Variants in ZFPM2 observed in about 807,000 individuals in gnomAD.
ZFPM2 encodes zinc finger protein, FOG family member 2, also known as zinc finger protein ZFPM2.
ZFPM2 carries 20 observed loss-of-function variants against 98.6 expected under a neutral mutation model. That is an observed-to-expected ratio of 0.20 (90% CI 0.14 to 0.29). The LOEUF (loss-of-function observed/expected upper bound fraction) is 0.29, where lower values mean the gene tolerates loss of function less well. ZFPM2 is among the 10% of genes least tolerant of loss of function. The pLI is 1.00. For missense variants in ZFPM2, 1,310 were observed against 1,388.6 expected, an observed-to-expected ratio of 0.94 and a Z score of 0.90; for synonymous variants, 518 against 502.7, an observed-to-expected ratio of 1.03 and a Z score of -0.41.
In ZFPM2 at chr8:105,419,198, C is replaced by T. The variant is rs1238908049; in HGVS notation, c.95C>T (p.Thr32Ile). The T allele has an allele frequency of 6.2e-7, 1 of 1,613,586 alleles. No homozygotes were observed. Among genetic ancestry groups the T allele is most frequent in the Admixed American group, 1.7e-5 (1 of 59,980 alleles). Residue 32 changes from threonine (T) to isoleucine (I), a missense_variant, in exon 2 of 8, where the codon ACA becomes ATA. Thr to Ile is a moderately conservative substitution (Grantham distance 89). Transcript: ENST00000407775. ...GAAGAAGAATGTCCATCAGAGGAAACAGACATCATCTCCAAAGGAGACTTT... is the reference window on the plus strand; with the variant it reads ...GAAGAAGAATGTCCATCAGAGGAAATAGACATCATCTCCAAAGGAGACTTT... ...DEEEECPSEE[T>I]DIISKGDFPL...
chr8:105,649,365 CT>C (rs1215520313), intron 5 of ZFPM2, among the ~76,000 whole-genome samples: 1 of 152,076 alleles, frequency 6.6e-6, no homozygotes, highest in African/African-American at 2.4e-5. Context: ...ATTGAATACC[CT>C]TTATTTCTTT....
chr8:105,558,796 T>G, intron 3 of ZFPM2, among the ~76,000 whole-genome samples: 1 of 151,946 alleles, frequency 6.6e-6, no homozygotes, highest in Middle Eastern at 3.4e-3. Flanking sequence ...AAAAAGCAAA[T>G]TATTTGGGTA....
chr8:105,747,487 C>T (rs1734490451), intron 5 of ZFPM2, among the ~76,000 whole-genome samples: 1 of 151,996 alleles, frequency 6.6e-6, no homozygotes, highest in African/African-American at 2.4e-5. Flanking sequence ...CATTCAAATG[C>T]AACCATAAGT....
At chr8:105,325,782 T>A (rs1326125551) in intron 1 of ZFPM2, among the ~76,000 whole-genome samples, 1 of 151,766 alleles carries the variant, frequency 6.6e-6, no homozygotes, top group African/African-American at 2.4e-5. Flanking sequence ...GGCCGTCTTT[T>A]TGAGATGACA....
intron 1 of ZFPM2, among the ~76,000 whole-genome samples, chr8:105,402,354 T>C (rs1253760403): frequency 6.6e-6 from 1 of 152,068 alleles, no homozygotes; most frequent in Non-Finnish European, 1.5e-5. Flanking sequence ...ATGATTATAC[T>C]TTAATTTTGT....
At chr8:105,413,293 G>T (rs1811613247) in intron 1 of ZFPM2, among the ~76,000 whole-genome samples, 1 of 151,706 alleles carries the variant, frequency 6.6e-6, no homozygotes, top group Admixed American at 6.6e-5. Flanking sequence ...AGTTTAAAAT[G>T]AAAAGTTATA....
Position 105,593,070 on chromosome 8 carries a change from G to A in ZFPM2, c.420+31589G>A, listed in dbSNP as rs544614568. Among the ~76,000 whole-genome samples the A allele has an allele frequency of 1.9e-3, 293 of 152,232 alleles. 2 individuals carry two copies. The highest frequency in any genetic ancestry group is 3.4e-3 in the Middle Eastern group (1 of 294). On this transcript the variant is annotated intron_variant, in intron 4 of 7. Transcript: ENST00000407775. The stretch of plus-strand genomic sequence containing the variant: ...GGGGCAAGGATTTTCAGCCACTGGA[G>A]CAAAAGAAAGATAAGAGCTTTCTGT...
intron 5 of ZFPM2, among the ~76,000 whole-genome samples, chr8:105,750,864 C>T (rs550736040): frequency 3.3e-5 from 5 of 152,084 alleles, no homozygotes; most frequent in African/African-American, 9.6e-5. Flanking sequence ...AAAGGATTTT[C>T]ATAAAGACAG....
chr8:105,754,939 A>G (rs1462251110), intron 5 of ZFPM2, among the ~76,000 whole-genome samples: 1 of 142,638 alleles, frequency 7.0e-6, no homozygotes, highest in Non-Finnish European at 1.5e-5. Flanking sequence ...GTCTGGAGAA[A>G]TTTAATATGT....
chr8:105,730,441 A>G (rs1811902693), intron 5 of ZFPM2, among the ~76,000 whole-genome samples: 1 of 151,764 alleles, frequency 6.6e-6, no homozygotes, highest in African/African-American at 2.4e-5. Context: ...CAGTTCAGTG[A>G]TGCCAATCAC....
At chr8:105,589,741 C>T (rs1346375586) in intron 4 of ZFPM2, among the ~76,000 whole-genome samples, 3 of 151,984 alleles carry the variant, frequency 2.0e-5, no homozygotes, top group African/African-American at 4.8e-5. Context: ...TTTTTTGAAA[C>T]GGAGTCTTGC....
intron 4 of ZFPM2, among the ~76,000 whole-genome samples, chr8:105,619,655 G>A (rs1380739324): frequency 1.3e-5 from 2 of 151,818 alleles, no homozygotes; most frequent in Non-Finnish European, 2.9e-5. Context: ...TTTACATTAG[G>A]TATATCTCCT....
intron 5 of ZFPM2, among the ~76,000 whole-genome samples, chr8:105,654,586 T>C (rs574941419): frequency 1.4e-5 from 2 of 142,006 alleles, no homozygotes; most frequent in African/African-American, 5.3e-5. Context: ...TTTTTTTTTT[T>C]AAAAATGAAA....
intron 1 of ZFPM2, among the ~76,000 whole-genome samples, chr8:105,353,478 C>T (rs536159690): frequency 6.6e-6 from 1 of 152,240 alleles, no homozygotes; most frequent in African/African-American, 2.4e-5. Flanking sequence ...ACAACCTATG[C>T]CCAGGAATCC....
chr8:105,779,462 G>A (rs997871004), intron 5 of ZFPM2, among the ~76,000 whole-genome samples: 16 of 152,254 alleles, frequency 1.1e-4, no homozygotes, highest in East Asian at 5.8e-4. Flanking sequence ...ATTTTTCAGC[G>A]TGCTATGTAA....
intron 4 of ZFPM2, among the ~76,000 whole-genome samples, chr8:105,569,166 C>T (rs1016162803): frequency 1.3e-5 from 2 of 152,092 alleles, no homozygotes; most frequent in African/African-American, 4.8e-5. Flanking sequence ...ACTGTGAGCT[C>T]CTGTTTGCTT....
At chr8:105,578,979 C>G (rs2343595) in intron 4 of ZFPM2, among the ~76,000 whole-genome samples, 81,714 of 151,886 alleles carry the variant, frequency 0.54, 23,663 homozygotes, top group African/African-American at 0.77. Context: ...TTATTCTGTG[C>G]GTTCTTATTT....
chr8:105,355,170 G>T (rs989043180), intron 1 of ZFPM2, among the ~76,000 whole-genome samples: 1 of 152,186 alleles, frequency 6.6e-6, no homozygotes, highest in African/African-American at 2.4e-5. Context: ...TTAACAGTTT[G>T]TTGCATTCCT....
At chr8:105,597,861 A>G (rs1233370990) in intron 4 of ZFPM2, among the ~76,000 whole-genome samples, 1 of 152,066 alleles carries the variant, frequency 6.6e-6, no homozygotes, top group African/African-American at 2.4e-5. Flanking sequence ...CTATAACTAC[A>G]TTATATAGGA....
Sources: gnomAD v4.1 joint callset for allele counts (sites outside exome capture counted in the v4.1 genomes callset) on GRCh38, gnomAD v4.1.1 for gene constraint, MANE v1.5 for transcripts, NCBI Gene and HGNC (gene_info 2026-07-23, HGNC 2026-07-21) for gene names.